Variants in UTP4 observed in about 807,000 individuals in gnomAD.
UTP4 encodes the protein U3 small nucleolar RNA-associated protein 4 homolog.
UTP4 carries 45 observed loss-of-function variants against 82.4 expected under a neutral mutation model. The observed-to-expected ratio is 0.55, with a 90% CI of 0.43 to 0.70. UTP4 has a LOEUF of 0.70. Ranked by LOEUF, UTP4 falls within the 30% of genes least tolerant of loss-of-function variation. UTP4 has a pLI of 0.00. For synonymous variants in UTP4, 348 were observed against 300.3 expected (o/e 1.16, Z -1.64); for missense variants, 819 against 858.3 (o/e 0.95, Z 0.57).
intron 12 of UTP4, among the ~76,000 whole-genome samples, chr16:69,157,740 A>G (rs1028019025): frequency 3.3e-5 from 5 of 151,344 alleles, no homozygotes; most frequent in Non-Finnish European, 7.4e-5. Context: ...GACTATAGAC[A>G]CTCACCACTA....
intron 13 of UTP4, among the ~76,000 whole-genome samples, chr16:69,160,790 T>A (rs1436003150): frequency 6.6e-6 from 1 of 151,938 alleles, no homozygotes; most frequent in African/African-American, 2.4e-5. Flanking sequence ...GAGACAGGGT[T>A]TCACCGTGTT....
chr16:69,133,326 C>T (rs2152275653), intron 1 of UTP4, 132 bp from the exon 2 acceptor site: 1 of 834,678 alleles, frequency 1.2e-6, no homozygotes, highest in African/African-American at 1.7e-5. Flanking sequence ...TGTTAGCAGC[C>T]ATTTGGAAAT....
chr16:69,144,256 C>T (rs779090561), intron 6 of UTP4, among the ~76,000 whole-genome samples: 2 of 151,578 alleles, frequency 1.3e-5, no homozygotes, highest in Non-Finnish European at 2.9e-5. Flanking sequence ...GGCTGGAGTG[C>T]AGTGGCACAA....
At chr16:69,141,825 TTTTTA>T (rs551715670) in intron 5 of UTP4, among the ~76,000 whole-genome samples, 103 of 151,490 alleles carry the variant, frequency 6.8e-4, no homozygotes, top group African/African-American at 2.2e-3. Context: ...TCTCTTTCTT[TTTTTA>T]TTTTATTTTA....
chr16:69,136,549 GA>G, intron 2 of UTP4, 146 bp from the exon 3 acceptor site: 1 of 795,022 alleles, frequency 1.3e-6, no homozygotes, highest in South Asian at 1.4e-5. Context: ...CTGAAAAAAT[GA>G]AAATGTCATT....
chr16:69,163,929 A>C (rs982175288), intron 14 of UTP4, among the ~76,000 whole-genome samples: 45 of 130,454 alleles, frequency 3.4e-4, no homozygotes, highest in African/African-American at 1.4e-3. Flanking sequence ...TCTGTCGCCC[A>C]GGCTGGAGTG....
intron 14 of UTP4, among the ~76,000 whole-genome samples, chr16:69,165,093 G>A (rs1963669273): frequency 6.6e-6 from 1 of 152,034 alleles, no homozygotes; most frequent in African/African-American, 2.4e-5. Context: ...TATTTGGGAG[G>A]CTGAGGCAGG....
At chr16:69,141,359 T>G (rs1962953876) in intron 5 of UTP4, among the ~76,000 whole-genome samples, 1 of 152,226 alleles carries the variant, frequency 6.6e-6, no homozygotes, top group Non-Finnish European at 1.5e-5. Flanking sequence ...GAGAAAGAAT[T>G]CTAGGTTGGA....
At chr16:69,161,522 T>G (rs1963561431) in intron 13 of UTP4, among the ~76,000 whole-genome samples, 1 of 152,262 alleles carries the variant, frequency 6.6e-6, no homozygotes, top group African/African-American at 2.4e-5. Flanking sequence ...GCCTAGGCAT[T>G]TATTTATTTT....
chr16:69,134,515 G>A (rs540728087), intron 2 of UTP4, among the ~76,000 whole-genome samples: 1 of 146,776 alleles, frequency 6.8e-6, no homozygotes, highest in East Asian at 2.0e-4. Context: ...GCAATTCAGA[G>A]AATTGCCTTC....
At chr16:69,152,531 G>A (rs1045468668) in intron 8 of UTP4, among the ~76,000 whole-genome samples, 2 of 143,464 alleles carry the variant, frequency 1.4e-5, no homozygotes, top group African/African-American at 5.2e-5. Flanking sequence ...GTGTAGTAGT[G>A]AAATCTCGGC....
chr16:69,133,041 C>A, intron 1 of UTP4: 1 of 266,932 alleles, frequency 3.7e-6, no homozygotes, highest in South Asian at 3.8e-5. Context: ...ACCAGGCAGC[C>A]AGATTAAGTC....
chr16:69,159,330 C>T (rs1963504911), intron 12 of UTP4, among the ~76,000 whole-genome samples: 2 of 152,106 alleles, frequency 1.3e-5, no homozygotes, highest in Non-Finnish European at 2.9e-5. Flanking sequence ...ATCCACCTAC[C>T]TCTGCCTCCC....
intron 12 of UTP4, among the ~76,000 whole-genome samples, chr16:69,159,083 T>C (rs1963499629): frequency 6.6e-6 from 1 of 152,100 alleles, no homozygotes. Context: ...TATTTATTTT[T>C]GAGATAGAAT....
intron 5 of UTP4, among the ~76,000 whole-genome samples, chr16:69,140,206 A>G (rs191204213): frequency 6.6e-6 from 1 of 152,316 alleles, no homozygotes; most frequent in Admixed American, 6.5e-5. Context: ...AGAATTACCT[A>G]TTTATAGATC....
chr16:69,147,132 G>A (rs965471722), intron 6 of UTP4, among the ~76,000 whole-genome samples: 2 of 147,034 alleles, frequency 1.4e-5, no homozygotes, highest in African/African-American at 2.5e-5. Flanking sequence ...AGCTGAGATC[G>A]TGCCATTGCA....
Position 69,155,999 on chromosome 16 carries a change from T to A in UTP4, c.1287+6T>A. 6.2e-7 allele frequency: 1 copy of A among 1,614,148 alleles called. No individual in the cohort carries two copies. Among genetic ancestry groups the A allele is most frequent in the Non-Finnish European group, 8.5e-7 (1 of 1,179,992 alleles). On this transcript the variant is annotated splice_donor_region_variant and intron_variant, in intron 11 of 16. Transcript: ENST00000314423. ...ACAACATAAGCCTCAAAAGGGTAAG[T>A]GATAGTCCAATATCTGGTCACATAA...
rs751560267 is a variant in UTP4, at chr16:69,167,203, G to A, written c.1944+18G>A. ...TATATAAGGTAAAACATCTTGTGTT[G>A]TTATTCTGGATAGTTGGTTCCTTTG... On this transcript the variant is annotated intron_variant, in intron 16 of 16. Transcript: ENST00000314423. 1.6e-5 allele frequency: 24 copies of A among 1,498,332 alleles called. No homozygotes were observed. Among genetic ancestry groups the A allele is most frequent in the Middle Eastern group, 1.7e-4 (1 of 5,876 alleles). The allele number at this position is 1,498,332 out of a possible 1,614,324, so 92.8% of individuals were successfully genotyped here.
rs8056684 is a variant in UTP4, at chr16:69,157,109, G to A, written c.1313G>A (p.Arg438His). The change falls in exon 12 of 17, where the codon CGC (arginine) becomes CAC (histidine). Residue 438 changes from arginine (R) to histidine (H), a missense_variant. Coordinates refer to ENST00000314423, the MANE Select transcript of UTP4 (RefSeq NM_032830.3). ...KRVSKMPAFLRSALQILFSED... is the reference protein window; with the variant it reads ...KRVSKMPAFLHSALQILFSED... ...GTTTCCAAAATGCCAGCATTCCTTC[G>A]CTCTGCCCTTCAGATTTTGTTTTCT... is the stretch of plus-strand genomic sequence containing the variant. The A allele has an allele frequency of 1.1e-3, 1,826 of 1,614,088 alleles. 17 individuals are homozygous for A. The African/African-American group carries it at 0.021, about 18-fold the overall frequency.
Sources: gnomAD v4.1 joint callset for allele counts (sites outside exome capture counted in the v4.1 genomes callset) on GRCh38, gnomAD v4.1.1 for gene constraint, MANE v1.5 for transcripts, NCBI Gene and HGNC (gene_info 2026-07-23, HGNC 2026-07-21) for gene names.